The following CCDC150 variants were observed in gnomAD, a reference collection of about 807,000 sequenced individuals.
CCDC150 encodes the protein coiled-coil domain containing 150, also known as coiled-coil domain-containing protein 150.
In CCDC150, 151 loss-of-function variants were observed where a neutral mutation model predicts 156.5. That is an observed-to-expected ratio of 0.97 (90% CI 0.85 to 1.10). CCDC150 has a LOEUF of 1.10. Among genes scored for constraint, CCDC150 ranks in the 50% least tolerant of loss-of-function variants. The pLI is 0.00. For missense variants in CCDC150, 1,312 were observed against 1,268.1 expected (o/e 1.03, Z -0.53); for synonymous variants, 452 against 429.4 (o/e 1.05, Z -0.65).
chr2:196,693,942 T>A (rs1695645830), intron 13 of CCDC150, among the ~76,000 whole-genome samples: 1 of 152,224 alleles, frequency 6.6e-6, no homozygotes, highest in Non-Finnish European at 1.5e-5. Context: ...TTATACTGAT[T>A]TATTTTGAAT....
chr2:196,657,052 G>T lies in CCDC150; in HGVS notation c.492G>T (p.Leu164=). 1 of 1,613,814 alleles carries T rather than the reference G, an allele frequency of 6.2e-7. No individual in the cohort carries two copies. Among genetic ancestry groups the T allele is most frequent in the South Asian group, 1.1e-5 (1 of 91,058 alleles). ...HLEVMNLRQQ[L]RAVKEEEDKA... ...AAGTTATGAATTTGCGCCAGCAACT[G>T]AGAGCTGTAAAAGAGGAAGAAGACA... Residue 164 remains leucine, a synonymous_variant, in exon 4 of 28, where the codon CTG becomes CTT. Coordinates refer to ENST00000389175, the MANE Select transcript of CCDC150 (RefSeq NM_001080539.2).
intron 5 of CCDC150, among the ~76,000 whole-genome samples, chr2:196,660,244 G>T (rs943019211): frequency 3.3e-5 from 5 of 151,998 alleles, no homozygotes; most frequent in Non-Finnish European, 5.9e-5. Context: ...CCAATTTTTG[G>T]CAATTATGAA....
intron 13 of CCDC150, among the ~76,000 whole-genome samples, chr2:196,679,271 C>T (rs796325116): frequency 3.9e-4 from 59 of 152,190 alleles, no homozygotes; most frequent in African/African-American, 1.4e-3. Flanking sequence ...AAATATAGAA[C>T]ATTTTTGTCA....
rs200402640 is a variant in CCDC150 at position 196,676,671 on chromosome 2, G to A, written c.1380G>A (p.Leu460=). The A allele has an allele frequency of 1.8e-4, 294 of 1,613,668 alleles. No individual in the cohort carries two copies. Among genetic ancestry groups the A allele is most frequent in the Admixed American group, 4.0e-4 (24 of 59,984 alleles). The change falls in exon 12 of 28, where the codon TTG becomes TTA. Residue 460 remains leucine (L), a synonymous_variant. Coordinates refer to ENST00000389175, the MANE Select transcript of CCDC150 (RefSeq NM_001080539.2). ...CTATTGCAAGATTGCGAGGTGAATTGGAAGCATCAATGCAAGAGAAGAAGT... is the reference window on the plus strand; with the variant it reads ...CTATTGCAAGATTGCGAGGTGAATTAGAAGCATCAATGCAAGAGAAGAAGT... ...ESTIARLRGE[L]EASMQEKKSL... is the part of the protein sequence containing the mutation.
chr2:196,669,029 AG>A (rs1226453235), intron 7 of CCDC150, among the ~76,000 whole-genome samples: 1 of 152,212 alleles, frequency 6.6e-6, no homozygotes, highest in Non-Finnish European at 1.5e-5. Flanking sequence ...CATTACTCTC[AG>A]ATAAGTTTAC....
chr2:196,720,231 A>G, intron 19 of CCDC150: 1 of 323,268 alleles, frequency 3.1e-6, no homozygotes, highest in South Asian at 2.9e-5. Context: ...TTATGAGAGA[A>G]CAAGTGAGTT....
chr2:196,730,672 A>G (rs1575989654), intron 25 of CCDC150, among the ~76,000 whole-genome samples, 187 bp from the exon 26 acceptor site: 1 of 152,244 alleles, frequency 6.6e-6, no homozygotes, highest in Non-Finnish European at 1.5e-5. Context: ...ATATCCACAT[A>G]TGTAGATATG....
At chr2:196,656,482 C>G (rs760453759) in intron 2 of CCDC150, 151 bp from the exon 3 acceptor site, 5 of 618,216 alleles carry the variant, frequency 8.1e-6, no homozygotes, top group South Asian at 2.0e-5. Flanking sequence ...TAGTGTGTCC[C>G]TATGTGGAGG....
intron 14 of CCDC150, among the ~76,000 whole-genome samples, chr2:196,698,253 G>T (rs1227340522): frequency 6.6e-6 from 1 of 152,102 alleles, no homozygotes; most frequent in Non-Finnish European, 1.5e-5. Flanking sequence ...ATTATTTTGT[G>T]TGTGTGTCAT....
At chr2:196,661,953 GAATGAACTAGAGATTGAATC>G (rs755571115) in intron 5 of CCDC150, among the ~76,000 whole-genome samples, 61 of 152,302 alleles carry the variant, frequency 4.0e-4, no homozygotes, top group South Asian at 8.3e-4. Context: ...ATTTAATTCT[GAATGAACTAGAGATTGAATC>G]ACATTTGACA....
At chr2:196,712,802 A>T in intron 17 of CCDC150, 63 bp downstream of exon 17, 1 of 1,193,946 alleles carries the variant, frequency 8.4e-7, no homozygotes, top group Non-Finnish European at 1.2e-6. Context: ...AACCTTTCAT[A>T]GTTCACATAA....
chr2:196,657,310 C>T, intron 4 of CCDC150, 174 bp downstream of exon 4: 1 of 596,984 alleles, frequency 1.7e-6, no homozygotes. Flanking sequence ...GCACTGATAA[C>T]CTAAACCACT....
At chr2:196,659,705 A>AG (rs1408125478) in intron 5 of CCDC150, among the ~76,000 whole-genome samples, 4 of 152,198 alleles carry the variant, frequency 2.6e-5, no homozygotes, top group Admixed American at 1.3e-4. Flanking sequence ...TTAGGTTTAC[A>AG]GAAAAATTAT....
Position 196,692,876 on chromosome 2 carries a change from G to T in CCDC150, c.1510-2170G>T, listed in dbSNP as rs143671085. Among the ~76,000 whole-genome samples, 388 of 152,172 alleles carry T rather than the reference G, an allele frequency of 2.5e-3. 2 individuals carry two copies. Among genetic ancestry groups the T allele is most frequent in the African/African-American group, 8.9e-3 (368 of 41,508 alleles). On this transcript the variant is annotated intron_variant, in intron 13 of 27. Coordinates refer to ENST00000389175, the MANE Select transcript of CCDC150 (RefSeq NM_001080539.2). Reference sequence around the variant, plus strand: ...CTGAGTTCAGATCCTGAATATCTTTGTTCATTTTGTGTCTCCATGATCTAA... The same window carrying T: ...CTGAGTTCAGATCCTGAATATCTTTTTTCATTTTGTGTCTCCATGATCTAA...
At chr2:196,692,679 G>A (rs1695565244) in intron 13 of CCDC150, among the ~76,000 whole-genome samples, 4 of 152,282 alleles carry the variant, frequency 2.6e-5, no homozygotes, top group East Asian at 3.9e-4. Flanking sequence ...ATCGTGTTGT[G>A]GTCCAAGAGA....
intron 10 of CCDC150, among the ~76,000 whole-genome samples, 158 bp downstream of exon 10, chr2:196,674,506 G>A (rs1013370928): frequency 1.3e-5 from 2 of 152,086 alleles, no homozygotes; most frequent in African/African-American, 4.8e-5. Context: ...TTTCATCAGA[G>A]GGGTGATTTG....
At chr2:196,724,843 G>A (rs1285985298) in intron 21 of CCDC150, among the ~76,000 whole-genome samples, 1 of 152,170 alleles carries the variant, frequency 6.6e-6, no homozygotes, top group African/African-American at 2.4e-5. Context: ...GGCATGGGGA[G>A]GAGTGTGGGA....
chr2:196,721,618 C>T lies in CCDC150; in HGVS notation c.2356C>T (p.Gln786Ter). 1.2e-6 allele frequency: 2 copies of T among 1,606,736 alleles called. No homozygotes were observed. Among genetic ancestry groups the T allele is most frequent in the Non-Finnish European group, 1.7e-6 (2 of 1,176,760 alleles). Reference sequence around the variant, plus strand: ...AGCTCTCCAGACAAATAATCATCTGCAAACAAAGCTAGATCACATTCAAGA... The same window carrying T: ...AGCTCTCCAGACAAATAATCATCTGTAAACAAAGCTAGATCACATTCAAGA... ...EQALQTNNHL[Q>*]TKLDHIQEQL... Residue 786 changes from glutamine (Q) to a stop codon, truncating the protein, a stop_gained, in exon 21 of 28, where the codon CAA becomes TAA. Transcript: ENST00000389175. LOFTEE classifies it high-confidence loss of function.
At chr2:196,695,446 T>C (rs1372646816) in intron 14 of CCDC150, among the ~76,000 whole-genome samples, 1 of 152,216 alleles carries the variant, frequency 6.6e-6, no homozygotes, top group East Asian at 1.9e-4. Flanking sequence ...GTATTTTTTT[T>C]CTCATCAGAC....
Sources: gnomAD v4.1 joint callset for allele counts (sites outside exome capture counted in the v4.1 genomes callset) on GRCh38, gnomAD v4.1.1 for gene constraint, MANE v1.5 for transcripts, NCBI Gene and HGNC (gene_info 2026-07-23, HGNC 2026-07-21) for gene names.